Variants in HSD17B2 observed in about 807,000 individuals in gnomAD.
HSD17B2 encodes 17-beta-hydroxysteroid dehydrogenase type 2.
Under a neutral mutation model 26.9 loss-of-function variants are expected in HSD17B2, and 32 were observed. That is an observed-to-expected ratio of 1.19 (90% CI 0.90 to 1.60). HSD17B2 has a LOEUF of 1.60. HSD17B2 is among the 40% of genes most tolerant of loss of function. The probability of loss-of-function intolerance (pLI) is 0.00; values close to 1 mark genes in which losing one functional copy is unlikely to be tolerated. For synonymous variants in HSD17B2, 246 were observed against 186.7 expected (o/e 1.32, Z -2.59); for missense variants, 613 against 468.6 (o/e 1.31, Z -2.85).
At chr16:82,061,362 C>T (rs562629004) in intron 1 of HSD17B2, among the ~76,000 whole-genome samples, 84 of 152,224 alleles carry the variant, frequency 5.5e-4, no homozygotes, top group African/African-American at 2.0e-3. Flanking sequence ...TTTAATCCTT[C>T]GAACAACTCT....
chr16:82,040,908 G>A (rs543881235), intron 1 of HSD17B2, among the ~76,000 whole-genome samples: 4 of 152,332 alleles, frequency 2.6e-5, no homozygotes, highest in Admixed American at 1.3e-4. Flanking sequence ...CAAAGTGATG[G>A]TGGATGTTGA....
At chr16:82,089,182 G>C (rs1369616914) in intron 3 of HSD17B2, among the ~76,000 whole-genome samples, 3 of 152,098 alleles carry the variant, frequency 2.0e-5, no homozygotes, top group Non-Finnish European at 4.4e-5. Flanking sequence ...AGATTAATTT[G>C]CATTTGTTGA....
chr16:82,047,863 A>G (rs1259414376), intron 1 of HSD17B2, among the ~76,000 whole-genome samples: 1 of 152,238 alleles, frequency 6.6e-6, no homozygotes, highest in Non-Finnish European at 1.5e-5. Context: ...CATGGTGTCC[A>G]CAACAGGCTC....
intron 1 of HSD17B2, among the ~76,000 whole-genome samples, chr16:82,042,608 A>T (rs73600767): frequency 0.033 from 5,047 of 151,514 alleles, 293 homozygotes; most frequent in African/African-American, 0.11. Context: ...TTCTTATATT[A>T]TATTTTATTT....
chr16:82,084,965 C>G (rs1270351218), intron 3 of HSD17B2, among the ~76,000 whole-genome samples: 1 of 152,208 alleles, frequency 6.6e-6, no homozygotes, highest in Non-Finnish European at 1.5e-5. Context: ...CTCAAACAAT[C>G]CTCTTGTCTT....
intron 1 of HSD17B2, among the ~76,000 whole-genome samples, chr16:82,050,838 G>C (rs182357890): frequency 4.0e-4 from 61 of 152,102 alleles, no homozygotes; most frequent in African/African-American, 1.3e-3. Context: ...TTAAATCTTG[G>C]CACTATTGAC....
At chr16:82,093,192 G>A (rs1408911794) in intron 4 of HSD17B2, 1 of 152,110 alleles carries the variant, frequency 6.6e-6, no homozygotes, top group Non-Finnish European at 1.5e-5. Flanking sequence ...CCAACACCCA[G>A]AAGCCCCTAT....
At chr16:82,068,878 A>G (rs1914634272) in intron 2 of HSD17B2, among the ~76,000 whole-genome samples, 1 of 152,126 alleles carries the variant, frequency 6.6e-6, no homozygotes, top group Admixed American at 6.5e-5. Flanking sequence ...GGCAAAGCTA[A>G]TCAGAATTAG....
chr16:82,066,279 A>C (rs1914570336), intron 1 of HSD17B2, among the ~76,000 whole-genome samples: 2 of 152,340 alleles, frequency 1.3e-5, no homozygotes, highest in East Asian at 3.9e-4. Flanking sequence ...ACATGGAGAC[A>C]TAAGAAGGAA....
intron 1 of HSD17B2, among the ~76,000 whole-genome samples, chr16:82,041,013 TACC>T (rs1913751702): frequency 6.6e-6 from 1 of 152,238 alleles, no homozygotes; most frequent in African/African-American, 2.4e-5. Context: ...GTTTTACCTT[TACC>T]TACTACAGGG....
chr16:82,087,837 G>C (rs1597138676), intron 3 of HSD17B2, among the ~76,000 whole-genome samples: 1 of 152,094 alleles, frequency 6.6e-6, no homozygotes, highest in Admixed American at 6.5e-5. Flanking sequence ...GAGAGAGGGA[G>C]AAAGAGAAAG....
chr16:82,087,678 A>G (rs1904566271), intron 3 of HSD17B2, among the ~76,000 whole-genome samples: 1 of 152,220 alleles, frequency 6.6e-6, no homozygotes, highest in African/African-American at 2.4e-5. Context: ...TTGTGTTGCT[A>G]TAACAGAATA....
intron 1 of HSD17B2, among the ~76,000 whole-genome samples, chr16:82,055,980 G>A (rs1292255699): frequency 6.6e-6 from 1 of 152,190 alleles, no homozygotes; most frequent in African/African-American, 2.4e-5. Context: ...TGTCATCTCT[G>A]TTGTAAAGAA....
chr16:82,057,514 A>G (rs1433326750), intron 1 of HSD17B2, among the ~76,000 whole-genome samples: 1 of 152,146 alleles, frequency 6.6e-6, no homozygotes, highest in Non-Finnish European at 1.5e-5. Context: ...CCAGTTTTTA[A>G]GTGTGGCCTG....
Position 82,098,101 on chromosome 16 carries a change from G to A in HSD17B2, c.829G>A (p.Glu277Lys). The change falls in exon 5 of 5, where the codon GAA becomes AAA. Residue 277 changes from glutamate to lysine, a missense_variant. By Grantham distance (56) the Glu-to-Lys change is moderately conservative. Coordinates refer to ENST00000199936, the MANE Select transcript of HSD17B2 (RefSeq NM_002153.3). ...TNIAGTSDKW[E>K]KLEKDILDHL... ...TATCGCAGGCACCAGTGACAAGTGG[G>A]AAAAGCTGGAGAAGGACATTCTGGA... The A allele has an allele frequency of 6.2e-7, 1 of 1,613,388 alleles. No individual in the cohort carries two copies. The highest frequency in any genetic ancestry group is 8.5e-7 in the Non-Finnish European group (1 of 1,179,566).
At chr16:82,060,282 G>A (rs1914395185) in intron 1 of HSD17B2, among the ~76,000 whole-genome samples, 1 of 152,236 alleles carries the variant, frequency 6.6e-6, no homozygotes, top group South Asian at 2.1e-4. Flanking sequence ...ACCTTTGTAA[G>A]TGGGAAACTG....
chr16:82,062,863 G>C (rs1279008979), intron 1 of HSD17B2, among the ~76,000 whole-genome samples: 1 of 152,216 alleles, frequency 6.6e-6, no homozygotes, highest in African/African-American at 2.4e-5. Context: ...CTCAAGGAGT[G>C]ATTCCTTAGC....
intron 4 of HSD17B2, 52 bp from the exon 5 acceptor site, chr16:82,098,023 T>C: frequency 6.4e-6 from 10 of 1,553,892 alleles, no homozygotes; most frequent in Non-Finnish European, 8.7e-6. Flanking sequence ...GCCTGCTCCC[T>C]GACTTCCTTG....
chr16:82,057,272 C>T (rs577844087), intron 1 of HSD17B2, among the ~76,000 whole-genome samples: 3 of 151,826 alleles, frequency 2.0e-5, no homozygotes, highest in East Asian at 3.9e-4. Context: ...AATCTCGGCT[C>T]ACTGCAAGCT....
Sources: gnomAD v4.1 joint callset for allele counts (sites outside exome capture counted in the v4.1 genomes callset) on GRCh38, gnomAD v4.1.1 for gene constraint, MANE v1.5 for transcripts, NCBI Gene and HGNC (gene_info 2026-07-23, HGNC 2026-07-21) for gene names.